Variants in GREB1L observed in about 807,000 individuals in gnomAD.
The protein encoded by GREB1L is GREB1 like retinoic acid receptor coactivator.
GREB1L carries 17 observed loss-of-function variants against 200.8 expected under a neutral mutation model. The ratio of observed to expected loss-of-function variants is 0.08; its 90% confidence interval spans 0.06 to 0.13. The LOEUF is 0.13. Among genes scored for constraint, GREB1L ranks in the 10% least tolerant of loss-of-function variants. The probability of loss-of-function intolerance (pLI) is 1.00; values close to 1 mark genes in which losing one functional copy is unlikely to be tolerated. For missense variants in GREB1L, 1,657 were observed against 2,367.7 expected, an observed-to-expected ratio of 0.70 and a Z score of 6.23; for synonymous variants, 789 against 893.0, an observed-to-expected ratio of 0.88 and a Z score of 2.08.
intron 1 of GREB1L, among the ~76,000 whole-genome samples, chr18:21,287,235 C>T (rs1468606649): frequency 7.9e-5 from 12 of 151,756 alleles, no homozygotes; most frequent in Admixed American, 5.3e-4. Context: ...ATTTTTTCCC[C>T]ACACCAAGAC....
chr18:21,419,524 C>T (rs1399689507), intron 7 of GREB1L, among the ~76,000 whole-genome samples: 2 of 152,190 alleles, frequency 1.3e-5, no homozygotes, highest in East Asian at 3.9e-4. Flanking sequence ...GTGATCTTGG[C>T]TCACTGCAAC....
At chr18:21,305,464 C>A (rs554563102) in intron 1 of GREB1L, among the ~76,000 whole-genome samples, 1 of 151,896 alleles carries the variant, frequency 6.6e-6, no homozygotes, top group Non-Finnish European at 1.5e-5. Context: ...TTTATTTTTT[C>A]TTTCTCTAAA....
rs1249733872 is a variant in GREB1L, at chr18:21,508,159, T to C, written c.4410T>C (p.Ser1470=). 6.4e-7 allele frequency: 1 copy of C among 1,551,540 alleles called. No individual in the cohort carries two copies. The highest frequency in any genetic ancestry group is 8.7e-7 in the Non-Finnish European group (1 of 1,146,856). The change falls in exon 26 of 33, where the codon TCT becomes TCC. Residue 1470 remains serine (S), a synonymous_variant. Coordinates refer to ENST00000424526, the MANE Select transcript of GREB1L (RefSeq NM_001142966.3). ...STLHAFTFSS[S]MLGEEVQLYF... ...TTCATGCCTTCACATTCTCTTCTTC[T>C]ATGCTGGGAGAAGAGGTTCAGCTCT...
chr18:21,369,095 T>C (rs1190374051), intron 2 of GREB1L, among the ~76,000 whole-genome samples: 1 of 152,212 alleles, frequency 6.6e-6, no homozygotes, highest in Non-Finnish European at 1.5e-5. Context: ...ATTATTATAG[T>C]ATCTTTTGAA....
intron 4 of GREB1L, among the ~76,000 whole-genome samples, chr18:21,390,975 CAGA>C (rs1196856465): frequency 2.0e-5 from 3 of 152,018 alleles, no homozygotes; most frequent in African/African-American, 7.2e-5. Flanking sequence ...TATTATGAAT[CAGA>C]AGGTTTTTAA....
chr18:21,246,393 C>T (rs1243165221), intron 1 of GREB1L, among the ~76,000 whole-genome samples: 4 of 152,146 alleles, frequency 2.6e-5, no homozygotes, highest in African/African-American at 4.8e-5. Context: ...TTTATACTGT[C>T]ATTAACAATC....
chr18:21,428,923 G>A (rs1229549353), intron 7 of GREB1L, among the ~76,000 whole-genome samples: 1 of 151,814 alleles, frequency 6.6e-6, no homozygotes, highest in Non-Finnish European at 1.5e-5. Context: ...TCACCATGTT[G>A]GCCAGGCTGG....
At chr18:21,382,199 G>A (rs1338018941) in intron 2 of GREB1L, among the ~76,000 whole-genome samples, 1 of 151,930 alleles carries the variant, frequency 6.6e-6, no homozygotes, top group African/African-American at 2.4e-5. Context: ...ACGAAAATTA[G>A]CCTGGTATGG....
intron 17 of GREB1L, among the ~76,000 whole-genome samples, chr18:21,481,936 T>C (rs1199615524): frequency 6.6e-6 from 1 of 152,310 alleles, no homozygotes; most frequent in South Asian, 2.1e-4. Flanking sequence ...AGTAAACGTA[T>C]GTATGCATTT....
chr18:21,488,228 G>A (rs192628138), intron 18 of GREB1L, among the ~76,000 whole-genome samples: 180 of 152,264 alleles, frequency 1.2e-3, no homozygotes, highest in African/African-American at 4.3e-3. Flanking sequence ...CCCGGGAAGC[G>A]AAGGTTGCAG....
intron 1 of GREB1L, among the ~76,000 whole-genome samples, chr18:21,318,999 G>A (rs979028936): frequency 6.6e-6 from 1 of 152,200 alleles, no homozygotes; most frequent in Non-Finnish European, 1.5e-5. Context: ...CCCCCGTGTA[G>A]CTGCCTCTGT....
intron 10 of GREB1L, among the ~76,000 whole-genome samples, chr18:21,441,895 G>A (rs547938206): frequency 6.6e-6 from 1 of 152,304 alleles, no homozygotes; most frequent in South Asian, 2.1e-4. Context: ...CTGAGAGAGG[G>A]CTTACCTCTG....
chr18:21,402,671 C>G (rs2041369062), intron 6 of GREB1L, among the ~76,000 whole-genome samples: 1 of 151,884 alleles, frequency 6.6e-6, no homozygotes. Flanking sequence ...TACAGATACA[C>G]ACCACTGTGC....
At chr18:21,449,165 G>T (rs1406700483) in intron 11 of GREB1L, among the ~76,000 whole-genome samples, 1 of 152,126 alleles carries the variant, frequency 6.6e-6, no homozygotes, top group Admixed American at 6.5e-5. Context: ...TTTCTATAAT[G>T]CCAAGCTTAA....
chr18:21,328,821 T>A (rs1462695895), intron 1 of GREB1L, among the ~76,000 whole-genome samples: 4 of 152,184 alleles, frequency 2.6e-5, no homozygotes, highest in Non-Finnish European at 5.9e-5. Context: ...TATTATGTAC[T>A]GTTTGCCAAA....
chr18:21,495,852 C>CCATCAGCCAAGTTT, intron 20 of GREB1L, 67 bp downstream of exon 20: 2 of 824,962 alleles, frequency 2.4e-6, no homozygotes, highest in Non-Finnish European at 3.9e-6. Flanking sequence ...TAAAACTTGG[C>CCATCAGCCAAGTTT]TGATGGCCCA....
At chr18:21,253,343 A>G (rs1366970021) in intron 1 of GREB1L, among the ~76,000 whole-genome samples, 2 of 146,344 alleles carry the variant, frequency 1.4e-5, no homozygotes, top group African/African-American at 5.1e-5. Flanking sequence ...ACCTCCACCT[A>G]CCGGGTTCAA....
chr18:21,421,979 CA>C (rs892562711), intron 7 of GREB1L, among the ~76,000 whole-genome samples: 1 of 152,146 alleles, frequency 6.6e-6, no homozygotes, highest in African/African-American at 2.4e-5. Flanking sequence ...GGAATGCCCT[CA>C]AGGAGCTGTA....
chr18:21,393,834 T>C (rs187870140), intron 4 of GREB1L, among the ~76,000 whole-genome samples: 1 of 152,288 alleles, frequency 6.6e-6, no homozygotes, highest in East Asian at 1.9e-4. Context: ...AGTGCTGGGA[T>C]TACAGGTGTG....
Sources: gnomAD v4.1 joint callset for allele counts (sites outside exome capture counted in the v4.1 genomes callset) on GRCh38, gnomAD v4.1.1 for gene constraint, MANE v1.5 for transcripts, NCBI Gene and HGNC (gene_info 2026-07-23, HGNC 2026-07-21) for gene names.